POC5: variants seen among roughly 807,000 people sequenced by gnomAD.
POC5 encodes the protein POC5 centriolar protein.
In POC5, 48 loss-of-function variants were observed where a neutral mutation model predicts 62.9. The observed-to-expected ratio is 0.76, with a 90% CI of 0.61 to 0.97. The LOEUF (loss-of-function observed/expected upper bound fraction) is 0.97. Ranked by LOEUF, POC5 falls within the 50% of genes least tolerant of loss-of-function variation. The pLI is 0.00. For missense variants in POC5, 696 were observed against 679.5 expected (o/e 1.02, Z -0.27); for synonymous variants, 236 against 228.2 (o/e 1.03, Z -0.31).
intron 10 of POC5, 86 bp downstream of exon 10, chr5:75,685,121 C>A: frequency 4.3e-6 from 6 of 1,394,218 alleles, no homozygotes; most frequent in Non-Finnish European, 5.9e-6. Flanking sequence ...CCTGCCTCGG[C>A]CTCCCAAAGT....
At chr5:75,679,390 A>T (rs535648602) in intron 10 of POC5, among the ~76,000 whole-genome samples, 1 of 152,168 alleles carries the variant, frequency 6.6e-6, no homozygotes, top group Admixed American at 6.5e-5. Flanking sequence ...ATTATAGTTC[A>T]TCTGTGATTC....
intron 7 of POC5, among the ~76,000 whole-genome samples, chr5:75,691,556 T>C (rs901359877): frequency 5.9e-5 from 9 of 152,174 alleles, no homozygotes; most frequent in African/African-American, 1.9e-4. Flanking sequence ...AGGTGTGATA[T>C]GAAACATAAT....
chr5:75,685,303 C>G lies in POC5; in HGVS notation c.1311G>C (p.Ser437=). 1 of 1,613,990 alleles carries G rather than the reference C, an allele frequency of 6.2e-7. No individual in the cohort carries two copies. The highest frequency in any genetic ancestry group is 8.5e-7 in the Non-Finnish European group (1 of 1,179,886). The change falls in exon 10 of 12, where the codon TCG becomes TCC. Residue 437 remains serine, a synonymous_variant. Transcript: ENST00000428202. ...CGGAAGCAGCCCTGGTAGAAGTCAT[C>G]GAAGCAGCTGAGGGAACGGCAGTCG... is the stretch of plus-strand genomic sequence containing the variant. The part of the protein sequence containing the change: ...ASATAVPSAA[S]MTSTRAASAS...
intron 11 of POC5, among the ~76,000 whole-genome samples, chr5:75,676,774 A>G (rs1366208008): frequency 6.6e-6 from 1 of 151,820 alleles, no homozygotes; most frequent in African/African-American, 2.4e-5. Context: ...GTGCGCCAAC[A>G]TTGCGCCATT....
chr5:75,683,481 C>T (rs1775949565), intron 10 of POC5, among the ~76,000 whole-genome samples: 4 of 152,106 alleles, frequency 2.6e-5, no homozygotes, highest in Admixed American at 2.6e-4. Flanking sequence ...GATCCACCCT[C>T]CTCAGCCTCC....
intron 5 of POC5, among the ~76,000 whole-genome samples, chr5:75,699,615 T>C (rs1232842344): frequency 7.3e-6 from 1 of 137,358 alleles, no homozygotes; most frequent in Non-Finnish European, 1.6e-5. Flanking sequence ...AATATCATAC[T>C]GAATGGGCAA....
Position 75,692,431 on chromosome 5 carries a change from G to A in POC5, c.760C>T (p.His254Tyr), listed in dbSNP as rs777269896. The change falls in exon 7 of 12, where the codon CAC (histidine) becomes TAC (tyrosine). Residue 254 changes from histidine (H) to tyrosine (Y), a missense_variant. Transcript: ENST00000428202. Reference protein sequence around the residue: ...EKIELMRTFFHWRIGHVRARQ... With the variant: ...EKIELMRTFFYWRIGHVRARQ... ...GCTCTGACATGGCCGATTCGCCAGTGGAAGAATGTTCTCATCAACTCTATC... is the reference window on the plus strand; with the variant it reads ...GCTCTGACATGGCCGATTCGCCAGTAGAAGAATGTTCTCATCAACTCTATC... 1.4e-5 allele frequency: 22 copies of A among 1,595,008 alleles called. No individual in the cohort carries two copies. The highest frequency in any genetic ancestry group is 1.9e-5 in the Non-Finnish European group (22 of 1,170,098).
At chr5:75,700,749 C>T (rs1205076242) in intron 5 of POC5, among the ~76,000 whole-genome samples, 1 of 139,762 alleles carries the variant, frequency 7.2e-6, no homozygotes, top group East Asian at 2.0e-4. Context: ...AGCTTCTGCA[C>T]AGCAAAACAA....
chr5:75,679,754 G>A (rs1775803326), intron 10 of POC5, among the ~76,000 whole-genome samples: 2 of 152,136 alleles, frequency 1.3e-5, no homozygotes, highest in Non-Finnish European at 2.9e-5. Flanking sequence ...GGGAGGATAA[G>A]GAAAGTGAAG....
At chr5:75,683,556 A>G (rs1292693063) in intron 10 of POC5, among the ~76,000 whole-genome samples, 1 of 151,752 alleles carries the variant, frequency 6.6e-6, no homozygotes, top group Non-Finnish European at 1.5e-5. Flanking sequence ...CTAACTAATC[A>G]CTGCTAGCTC....
chr5:75,679,770 G>A (rs556497751), intron 10 of POC5, among the ~76,000 whole-genome samples: 1 of 152,242 alleles, frequency 6.6e-6, no homozygotes, highest in South Asian at 2.1e-4. Context: ...TGAAGAGAGA[G>A]AGAAGGAATA....
At chr5:75,696,495 G>A (rs961686741) in intron 5 of POC5, among the ~76,000 whole-genome samples, 3 of 151,962 alleles carry the variant, frequency 2.0e-5, no homozygotes, top group Non-Finnish European at 2.9e-5. Flanking sequence ...CTGCAGCTGA[G>A]GGTCCTGTCT....
chr5:75,716,746 C>A (rs1742600274), intron 1 of POC5, among the ~76,000 whole-genome samples: 1 of 152,314 alleles, frequency 6.6e-6, no homozygotes, highest in African/African-American at 2.4e-5. Flanking sequence ...AAAATAACAT[C>A]TTGGTAATTA....
intron 4 of POC5, chr5:75,705,491 C>T: frequency 2.8e-6 from 1 of 361,070 alleles, no homozygotes; most frequent in East Asian, 4.7e-5. Flanking sequence ...AGAAAGGATA[C>T]TACACACTAT....
At position 75,702,769 on chromosome 5, in the gene POC5, C is replaced by A; in HGVS notation, c.349G>T (p.Val117Phe). Residue 117 changes from valine to phenylalanine, a missense_variant, in exon 5 of 12, where the codon GTC becomes TTC. Transcript: ENST00000428202. ...VLSPRKPSHP[V>F]MDFFSSHLLA... ...AGATGTGAACTGAAAAAATCCATGA[C>A]TGGGTGAGAAGGCTTCCTTGGCGAT... The A allele has an allele frequency of 6.3e-7, 1 of 1,593,906 alleles. No homozygotes were observed. Among genetic ancestry groups the A allele is most frequent in the Non-Finnish European group, 8.6e-7 (1 of 1,169,406 alleles).
rs751054567 is a variant in POC5 at position 75,712,965 on chromosome 5, A to C, written c.-14-14T>G. 6 of 1,542,496 alleles carry C rather than the reference A, an allele frequency of 3.9e-6. No homozygotes were observed. The highest frequency in any genetic ancestry group is 4.4e-6 in the Non-Finnish European group (5 of 1,129,526). On this transcript the variant is annotated splice_polypyrimidine_tract_variant and intron_variant, in intron 1 of 11. Coordinates refer to ENST00000428202, the MANE Select transcript of POC5 (RefSeq NM_001099271.2). ...TGCACAAATGCTCTAAAACAGTAGAAGCTAACTTTAGCTTTTTTCCTTGAT... is the reference window on the plus strand; with the variant it reads ...TGCACAAATGCTCTAAAACAGTAGACGCTAACTTTAGCTTTTTTCCTTGAT...
At chr5:75,682,665 G>T (rs1775913592) in intron 10 of POC5, among the ~76,000 whole-genome samples, 1 of 151,952 alleles carries the variant, frequency 6.6e-6, no homozygotes, top group African/African-American at 2.4e-5. Context: ...ACAGGCGCAT[G>T]CCACCACGCC....
At chr5:75,714,837 T>C (rs1292175379) in intron 1 of POC5, among the ~76,000 whole-genome samples, 1 of 152,132 alleles carries the variant, frequency 6.6e-6, no homozygotes, top group Non-Finnish European at 1.5e-5. Flanking sequence ...TGGTGTTTCC[T>C]GGAGTTAAGC....
intron 8 of POC5, chr5:75,689,711 T>C: frequency 1.0e-6 from 1 of 973,754 alleles, no homozygotes; most frequent in Non-Finnish European, 1.2e-6. Flanking sequence ...ATGGATTTAT[T>C]TTTAATCTTA....
Sources: allele counts gnomAD v4.1 joint callset (sites outside exome capture counted in the v4.1 genomes callset), GRCh38; gene constraint gnomAD v4.1.1; transcripts MANE v1.5; gene names NCBI Gene and HGNC (gene_info 2026-07-23, HGNC 2026-07-21).